LAMA4: variants seen among roughly 807,000 people sequenced by gnomAD.
The protein encoded by LAMA4 is laminin subunit alpha 4.
Under a neutral mutation model 207.1 loss-of-function variants are expected in LAMA4, and 127 were observed. That is an observed-to-expected ratio of 0.61 (90% CI 0.53 to 0.71). LAMA4 has a LOEUF of 0.71. LAMA4 is among the 30% of genes least tolerant of loss of function. The pLI, the probability that LAMA4 is intolerant of heterozygous loss-of-function variation, is 0.00. For synonymous variants in LAMA4, 761 were observed against 816.0 expected (o/e 0.93, Z 1.15); for missense variants, 2,093 against 2,246.5 (o/e 0.93, Z 1.38).
At position 112,189,196 on chromosome 6, in the gene LAMA4, C is replaced by T. The variant is rs1554347733; in HGVS notation, c.728G>A (p.Cys243Tyr). ...RIAKNCAVCN[C>Y]GGGPCDSVTG... ...TACACTGTCACATGGGCCTCCCCCG[C>T]AGTTGCACACTGTGGGAAACAAAAA... is the stretch of plus-strand genomic sequence containing the variant. The change falls in exon 7 of 39, where the codon TGC becomes TAC. Residue 243 changes from cysteine to tyrosine, a missense_variant. Physicochemically the swap from Cys to Tyr is radical, Grantham distance 194. Transcript: ENST00000230538. 1 of 1,613,568 alleles carries T rather than the reference C, an allele frequency of 6.2e-7. No individual in the cohort carries two copies. Among genetic ancestry groups the T allele is most frequent in the South Asian group, 1.1e-5 (1 of 91,068 alleles).
intron 9 of LAMA4, chr6:112,178,898 A>T (rs1554344618): frequency 6.6e-6 from 1 of 152,448 alleles, no homozygotes; most frequent in Admixed American, 6.5e-5. Flanking sequence ...TGAAGAGCTT[A>T]AAGTTTCAAA....
intron 14 of LAMA4, among the ~76,000 whole-genome samples, chr6:112,158,508 T>C (rs1198802301): frequency 6.6e-6 from 1 of 151,800 alleles, no homozygotes; most frequent in African/African-American, 2.4e-5. Context: ...CCCCAAACAA[T>C]TGCAATGAAC....
rs964279046 is a variant in LAMA4 at position 112,108,233 on chromosome 6, A to G, written c.*1204T>C. ...GTTAATTCTGTTGATATCAGGGCCT[A>G]TTTTCTCTTTTTCTGTCTTCTGAGT... is the stretch of plus-strand genomic sequence containing the variant. On this transcript the variant is annotated 3_prime_UTR_variant, in exon 39 of 39. Transcript: ENST00000230538. Among the ~76,000 whole-genome samples, 3 of 151,462 alleles carry G rather than the reference A, an allele frequency of 2.0e-5. No individual in the cohort carries two copies. Among genetic ancestry groups the G allele is most frequent in the Admixed American group, 1.3e-4 (2 of 15,192 alleles).
chr6:112,151,709 A>G (rs1780415430), intron 16 of LAMA4, among the ~76,000 whole-genome samples: 1 of 152,114 alleles, frequency 6.6e-6, no homozygotes, highest in African/African-American at 2.4e-5. Flanking sequence ...TTGAATTGGT[A>G]ATGTAGGGTG....
intron 2 of LAMA4, among the ~76,000 whole-genome samples, chr6:112,247,453 TA>T (rs1480109783): frequency 2.6e-5 from 4 of 152,056 alleles, no homozygotes; most frequent in Non-Finnish European, 5.9e-5. Flanking sequence ...TACAGGGCAT[TA>T]AAAAAAATTT....
intron 3 of LAMA4, among the ~76,000 whole-genome samples, chr6:112,212,517 C>T (rs150893344): frequency 0.014 from 2,068 of 152,236 alleles, 56 homozygotes; most frequent in Admixed American, 0.07. Flanking sequence ...AGCCACCGTG[C>T]CCGGCCAGTT....
intron 31 of LAMA4, among the ~76,000 whole-genome samples, chr6:112,126,111 T>C (rs782583940): frequency 8.5e-5 from 13 of 152,214 alleles, no homozygotes; most frequent in African/African-American, 2.7e-4. Flanking sequence ...TCCTATAATA[T>C]GGAAAAGCTT....
intron 8 of LAMA4, chr6:112,186,668 A>G (rs1782700177): frequency 2.5e-6 from 1 of 405,912 alleles, no homozygotes; most frequent in African/African-American, 2.1e-5. Flanking sequence ...TAGATTACTT[A>G]TAATACCACT....
intron 5 of LAMA4, among the ~76,000 whole-genome samples, chr6:112,201,126 T>G (rs1291274776): frequency 1.3e-5 from 2 of 152,162 alleles, no homozygotes; most frequent in Admixed American, 6.5e-5. Context: ...TGTTTACTTT[T>G]TAGTATGGTA....
At position 112,108,993 on chromosome 6, in the gene LAMA4, A is replaced by C. The variant is rs1777554709; in HGVS notation, c.*444T>G. ...AAATCTATCATCTAATTTAGATTAT[A>C]TGTAAGTTAGTAAGTCTCTTCAAAA... On this transcript the variant is annotated 3_prime_UTR_variant, in exon 39 of 39. Transcript: ENST00000230538. The C allele has an allele frequency of 5.0e-6, 1 of 198,724 alleles. No individual in the cohort carries two copies. The highest frequency in any genetic ancestry group is 9.5e-5 in the South Asian group (1 of 10,578). 12.3% of individuals were successfully genotyped at this position (198,724 alleles called of 1,614,324 possible).
Position 112,155,541 on chromosome 6 carries a change from A to G in LAMA4, c.1959+24T>C, listed in dbSNP as rs534942733. The stretch of plus-strand genomic sequence containing the variant: ...AAAGCCAGTGGGAAAGGCAAGGTAT[A>G]AAGAACTTTCAGGGAATACTCACAT... On this transcript the variant is annotated intron_variant, in intron 15 of 38. Coordinates refer to ENST00000230538, the MANE Select transcript of LAMA4 (RefSeq NM_001105206.3). 68 of 1,613,908 alleles carry G rather than the reference A, an allele frequency of 4.2e-5. 1 individual carries two copies. The South Asian group carries it at 6.0e-4, about 14-fold the overall frequency.
intron 13 of LAMA4, among the ~76,000 whole-genome samples, chr6:112,161,315 A>C (rs782313996): frequency 1.3e-5 from 2 of 152,218 alleles, no homozygotes; most frequent in African/African-American, 2.4e-5. Flanking sequence ...CCTAGGAGGC[A>C]GGAACTGAGT....
intron 19 of LAMA4, among the ~76,000 whole-genome samples, chr6:112,142,922 A>C (rs1218767034): frequency 3.3e-5 from 5 of 152,154 alleles, no homozygotes; most frequent in Non-Finnish European, 7.4e-5. Flanking sequence ...GATAACTATA[A>C]AGTGCTTTCC....
chr6:112,191,444 T>G (rs1328148093), intron 6 of LAMA4, among the ~76,000 whole-genome samples, 192 bp downstream of exon 6: 1 of 152,242 alleles, frequency 6.6e-6, no homozygotes, highest in African/African-American at 2.4e-5. Context: ...AGCAAAATTA[T>G]ATTAGTAGCC....
At chr6:112,175,220 T>C (rs1781949639) in intron 11 of LAMA4, 93 bp downstream of exon 11, 2 of 1,242,322 alleles carry the variant, frequency 1.6e-6, no homozygotes, top group South Asian at 1.2e-5. Flanking sequence ...ATTGGTTGCT[T>C]TGATTATATG....
chr6:112,170,207 ATAAT>A (rs2114854457), intron 12 of LAMA4, among the ~76,000 whole-genome samples: 2 of 152,358 alleles, frequency 1.3e-5, no homozygotes, highest in East Asian at 3.9e-4. Context: ...GGTAGTATTA[ATAAT>A]AGGTCTTGCT....
At chr6:112,184,036 A>T (rs189787815) in intron 9 of LAMA4, among the ~76,000 whole-genome samples, 8 of 151,818 alleles carry the variant, frequency 5.3e-5, no homozygotes, top group African/African-American at 1.9e-4. Context: ...AGTAACAATG[A>T]GTTTCCACAA....
At chr6:112,199,551 A>G (rs1481709642) in intron 5 of LAMA4, among the ~76,000 whole-genome samples, 2 of 152,132 alleles carry the variant, frequency 1.3e-5, no homozygotes, top group African/African-American at 2.4e-5. Flanking sequence ...ACAAATTTCA[A>G]TCAACCCAAT....
intron 4 of LAMA4, among the ~76,000 whole-genome samples, chr6:112,204,579 G>C (rs541537217): frequency 1.3e-5 from 2 of 152,204 alleles, no homozygotes; most frequent in South Asian, 4.2e-4. Context: ...CAGCTATGAG[G>C]AAGTTGGAGG....
Sources: gnomAD v4.1 joint callset for allele counts (sites outside exome capture counted in the v4.1 genomes callset) on GRCh38, gnomAD v4.1.1 for gene constraint, MANE v1.5 for transcripts, NCBI Gene and HGNC (gene_info 2026-07-23, HGNC 2026-07-21) for gene names.